The following PTPRE variants were observed in gnomAD, a reference collection of about 807,000 sequenced individuals.
PTPRE encodes the protein protein tyrosine phosphatase receptor type E.
A neutral mutation model predicts 102.0 loss-of-function variants in PTPRE; 51 were observed. The ratio of observed to expected loss-of-function variants is 0.50; its 90% CI spans 0.40 to 0.63. The LOEUF is 0.63. Among genes scored for constraint, PTPRE ranks in the 30% least tolerant of loss-of-function variants. PTPRE has a pLI of 0.00. For synonymous variants in PTPRE, 345 were observed against 348.2 expected (o/e 0.99, Z 0.10); for missense variants, 752 against 915.1 (o/e 0.82, Z 2.30).
chr10:128,027,752 T>G (rs1287093917), intron 2 of PTPRE, among the ~76,000 whole-genome samples: 1 of 152,210 alleles, frequency 6.6e-6, no homozygotes, highest in African/African-American at 2.4e-5. Context: ...GGCTGAGCTC[T>G]CCTGAAAGGG....
chr10:128,032,963 A>AT (rs35003943), intron 2 of PTPRE, among the ~76,000 whole-genome samples: 5 of 151,634 alleles, frequency 3.3e-5, no homozygotes, highest in East Asian at 1.9e-4. Flanking sequence ...TCAAGCACTG[A>AT]TTTTTTTCCA....
chr10:127,911,311 C>T (rs922229453), intron 1 of PTPRE, among the ~76,000 whole-genome samples: 13 of 152,148 alleles, frequency 8.5e-5, no homozygotes, highest in African/African-American at 2.9e-4. Flanking sequence ...ATTCATTCTT[C>T]AATATGCACC....
chr10:128,072,423 C>A (rs11016050), intron 16 of PTPRE: 1 of 470,414 alleles, frequency 2.1e-6, no homozygotes, highest in Non-Finnish European at 3.8e-6. Context: ...GAAGCTAAGG[C>A]GGGCAGATCA....
chr10:127,983,099 A>G (rs892999401), intron 2 of PTPRE, among the ~76,000 whole-genome samples: 2 of 152,154 alleles, frequency 1.3e-5, no homozygotes, highest in East Asian at 3.9e-4. Context: ...CCGTTCTGAA[A>G]TCATTTTCAG....
At chr10:128,046,546 T>C (rs1253007594) in intron 3 of PTPRE, among the ~76,000 whole-genome samples, 1 of 151,754 alleles carries the variant, frequency 6.6e-6, no homozygotes, top group Non-Finnish European at 1.5e-5. Context: ...AAGAGAGGAG[T>C]CCAGTGGGCT....
chr10:128,076,596 C>G lies in PTPRE; in HGVS notation c.1600-7C>G. The G allele has an allele frequency of 6.4e-7, 1 of 1,566,494 alleles. No homozygotes were observed. The highest frequency in any genetic ancestry group is 2.3e-5 in the East Asian group (1 of 43,192). Reference sequence around the variant, plus strand: ...ACAAGACTTAAATTTTTATTTTATCCCCTAAGGATAAATGCTACCAGTATT... The same window carrying G: ...ACAAGACTTAAATTTTTATTTTATCGCCTAAGGATAAATGCTACCAGTATT... On this transcript the variant is annotated splice_polypyrimidine_tract_variant and splice_region_variant and intron_variant, in intron 17 of 20. Transcript: ENST00000254667.
At position 127,996,929 on chromosome 10, in the gene PTPRE, C is replaced by T. The variant is rs61556745; in HGVS notation, c.-8+14633C>T. Among the ~76,000 whole-genome samples, 456 of 152,132 alleles carry T rather than the reference C, an allele frequency of 3.0e-3. 3 individuals are homozygous for T. The highest frequency in any genetic ancestry group is 0.011 in the African/African-American group (437 of 41,498). ...TCTTTTTAATTCAGAAACAACAAACCTTCTCAGCCTCAAACCAGGCCAATC... is the reference window on the plus strand; with the variant it reads ...TCTTTTTAATTCAGAAACAACAAACTTTCTCAGCCTCAAACCAGGCCAATC... On this transcript the variant is annotated intron_variant, in intron 2 of 20. Transcript: ENST00000254667.
intron 2 of PTPRE, among the ~76,000 whole-genome samples, chr10:128,025,105 G>A (rs1237967532): frequency 7.8e-6 from 1 of 127,988 alleles, no homozygotes; most frequent in African/African-American, 3.1e-5. Flanking sequence ...GCTGCAATGA[G>A]CCATGATCAT....
At chr10:128,013,556 C>G (rs535207759) in intron 2 of PTPRE, among the ~76,000 whole-genome samples, 5 of 152,200 alleles carry the variant, frequency 3.3e-5, no homozygotes, top group African/African-American at 1.2e-4. Context: ...GTCTGTGTCC[C>G]CCCCCAGATT....
chr10:127,917,895 T>C (rs957251808), intron 1 of PTPRE, among the ~76,000 whole-genome samples: 4 of 152,020 alleles, frequency 2.6e-5, no homozygotes, highest in Admixed American at 6.5e-5. Flanking sequence ...CTGAGCACGC[T>C]GGCACGCACC....
intron 1 of PTPRE, among the ~76,000 whole-genome samples, chr10:127,923,770 G>T (rs181310082): frequency 2.0e-4 from 31 of 152,260 alleles, no homozygotes; most frequent in Admixed American, 7.9e-4. Context: ...CTTTAACACA[G>T]GATTCAAACC....
intron 7 of PTPRE, among the ~76,000 whole-genome samples, chr10:128,057,765 C>G (rs1029397059): frequency 6.6e-6 from 1 of 152,134 alleles, no homozygotes; most frequent in Admixed American, 6.5e-5. Flanking sequence ...CACAGCTGAG[C>G]CTTGACAGTA....
chr10:128,039,598 G>T (rs778331674), intron 2 of PTPRE, among the ~76,000 whole-genome samples: 7 of 152,204 alleles, frequency 4.6e-5, no homozygotes, highest in Admixed American at 3.9e-4. Context: ...AACACAATTA[G>T]GATTTTTCAT....
At chr10:128,039,030 TATTAA>T (rs1847456315) in intron 2 of PTPRE, among the ~76,000 whole-genome samples, 1 of 152,252 alleles carries the variant, frequency 6.6e-6, no homozygotes, top group African/African-American at 2.4e-5. Context: ...AGAGGAGGGT[TATTAA>T]ATTAATGCAT....
At chr10:128,001,690 T>C (rs1853914834) in intron 2 of PTPRE, among the ~76,000 whole-genome samples, 1 of 152,174 alleles carries the variant, frequency 6.6e-6, no homozygotes, top group African/African-American at 2.4e-5. Flanking sequence ...TGCCCTCGCT[T>C]TTCTGACCTA....
In PTPRE at chr10:128,047,814, C is replaced by T; in HGVS notation, c.260C>T (p.Pro87Leu). ...AVVSTSDKKM[P>L]NGILEEQEQQ... Reference sequence around the variant, plus strand: ...GTCAGCACCAGCGACAAGAAGATGCCCAACGGAATCTTGGAGGAGCAAGGT... The same window carrying T: ...GTCAGCACCAGCGACAAGAAGATGCTCAACGGAATCTTGGAGGAGCAAGGT... The change falls in exon 5 of 21, where the codon CCC (proline) becomes CTC (leucine). Residue 87 changes from proline to leucine, a missense_variant. Around this residue, in one of 2 missense-constraint regions of PTPRE, gnomAD observed 636 missense variants for 824.4 expected, o/e 0.77. Coordinates refer to ENST00000254667, the MANE Select transcript of PTPRE (RefSeq NM_006504.6). The T allele has an allele frequency of 6.2e-7, 1 of 1,603,384 alleles. No homozygotes were observed. The highest frequency in any genetic ancestry group is 8.5e-7 in the Non-Finnish European group (1 of 1,171,702).
intron 2 of PTPRE, chr10:127,999,255 T>C (rs1853616809): frequency 6.6e-6 from 1 of 152,302 alleles, no homozygotes; most frequent in Non-Finnish European, 1.5e-5. Flanking sequence ...CCCTAGGCTG[T>C]GTTTGCAGAA....
chr10:128,031,831 C>T (rs1221594799), intron 2 of PTPRE, among the ~76,000 whole-genome samples: 1 of 152,058 alleles, frequency 6.6e-6, no homozygotes, highest in Non-Finnish European at 1.5e-5. Flanking sequence ...ACAGAGGGGT[C>T]AGAGATCTAA....
intron 6 of PTPRE, among the ~76,000 whole-genome samples, chr10:128,055,771 T>TA (rs1848908401): frequency 6.6e-6 from 1 of 152,190 alleles, no homozygotes; most frequent in South Asian, 2.1e-4. Flanking sequence ...AGTCAGTTCT[T>TA]ACCAAATCAT....
Sources: allele counts gnomAD v4.1 joint callset (sites outside exome capture counted in the v4.1 genomes callset), GRCh38; gene constraint gnomAD v4.1.1; regional missense constraint gnomAD v4.1.1; transcripts MANE v1.5; gene names NCBI Gene and HGNC (gene_info 2026-07-23, HGNC 2026-07-21).